MUC5AC: variants seen among roughly 807,000 people sequenced by gnomAD.
The protein encoded by MUC5AC is mucin-5AC.
Under a neutral mutation model 169.7 loss-of-function variants are expected in MUC5AC, and 158 were observed. That is an observed-to-expected ratio of 0.93 (90% CI 0.82 to 1.06). The LOEUF is 1.06. MUC5AC is among the 50% of genes least tolerant of loss of function. The pLI is 0.00. For synonymous variants in MUC5AC, 1,975 were observed against 1,237.0 expected (o/e 1.60, Z -12.52); for missense variants, 4,359 against 3,089.9 (o/e 1.41, Z -9.74).
At position 1,194,361 on chromosome 11, in the gene MUC5AC, G is replaced by A. The variant is rs1434699597; in HGVS notation, c.15006+1G>A. On this transcript the variant is annotated splice_donor_variant, in intron 34 of 48. Transcript: ENST00000621226. LOFTEE classifies it high-confidence loss of function. ...AGTCCACGGGGTGATGACAAACGAG[G>A]TGGGGGCGCGCCCGGTGTGCCGCGG... is the stretch of plus-strand genomic sequence containing the variant. 2.8e-6 allele frequency: 2 copies of A among 722,498 alleles called. No individual in the cohort carries two copies. Among genetic ancestry groups the A allele is most frequent in the Non-Finnish European group, 5.1e-6 (2 of 396,020 alleles). 44.8% of individuals were successfully genotyped at this position (722,498 alleles called of 1,614,324 possible). A position where few individuals can be genotyped will look rare whatever the true frequency, so the allele number is the denominator to read the frequency against.
intron 41 of MUC5AC, 24 bp downstream of exon 41, chr11:1,197,663 G>T (rs1861312460): frequency 1.5e-6 from 1 of 670,382 alleles, no homozygotes; most frequent in Admixed American, 2.1e-5. Flanking sequence ...TGGGTGAGGG[G>T]CATGGTGTGG....
intron 15 of MUC5AC, among the ~76,000 whole-genome samples, chr11:1,171,307 TACTC>T (rs1196688689): frequency 0.017 from 820 of 46,944 alleles, 10 homozygotes; most frequent in African/African-American, 0.069. Flanking sequence ...CTCACTCACC[TACTC>T]ACTCAGTCAC....
chr11:1,173,122 T>C (rs1283484680), intron 16 of MUC5AC, among the ~76,000 whole-genome samples: 2 of 152,018 alleles, frequency 1.3e-5, no homozygotes, highest in East Asian at 3.9e-4. Context: ...ACTCATATCT[T>C]CACTGACTCA....
intron 15 of MUC5AC, among the ~76,000 whole-genome samples, 158 bp from the exon 16 acceptor site, chr11:1,172,271 C>T (rs1011706445): frequency 3.9e-4 from 59 of 152,308 alleles, no homozygotes; most frequent in African/African-American, 1.2e-3. Context: ...TCGGGGAGGG[C>T]GCCACACCAC....
rs55846509 is a variant in MUC5AC, at chr11:1,160,678, G to A, written c.140G>A (p.Arg47Gln). The A allele has an allele frequency of 0.02, 32,653 of 1,609,140 alleles. 424 individuals are homozygous for A. The highest frequency in any genetic ancestry group is 0.024 in the Non-Finnish European group (28,065 of 1,179,050). Reference sequence around the variant, plus strand: ...CACCCTGCCCTCTCTCCTATCGCCCGGGGGCCCAGCGGTGAGTCTGAGTGT... The same window carrying A: ...CACCCTGCCCTCTCTCCTATCGCCCAGGGGCCCAGCGGTGAGTCTGAGTGT... ...KHHPALSPIA[R>Q]GPSGVPLRGA... The change falls in exon 2 of 49, where the codon CGG becomes CAG. Residue 47 changes from arginine to glutamine, a missense_variant. Arg to Gln is a conservative substitution (Grantham distance 43). Transcript: ENST00000621226.
intron 1 of MUC5AC, among the ~76,000 whole-genome samples, chr11:1,158,906 G>T (rs1242213568): frequency 6.6e-6 from 1 of 152,214 alleles, no homozygotes; most frequent in African/African-American, 2.4e-5. Context: ...CTCTCCCGGT[G>T]TCTCCGTGCC....
Position 1,199,434 on chromosome 11 carries a change from G to A in MUC5AC, c.16459G>A (p.Asp5487Asn), listed in dbSNP as rs1441071743. The change falls in exon 46 of 49, where the codon GAT becomes AAT. Residue 5487 changes from aspartate (D) to asparagine (N), a missense_variant. Transcript: ENST00000621226. ...CVTHQCEKHQDGLVVVTTKKA... is the reference protein window; with the variant it reads ...CVTHQCEKHQNGLVVVTTKKA... The stretch of plus-strand genomic sequence containing the variant: ...GACCCACCAGTGTGAGAAGCACCAG[G>A]ATGGGCTCGTGGTGGTCACCACGAA... 1.4e-6 allele frequency: 1 copy of A among 732,356 alleles called. No homozygotes were observed. The highest frequency in any genetic ancestry group is 1.7e-5 in the African/African-American group (1 of 58,386). The allele number at this position is 732,356 out of a possible 1,614,324, so 45.4% of individuals were successfully genotyped here. A position where few individuals can be genotyped will look rare whatever the true frequency, so the allele number is the denominator to read the frequency against.
rs1388261089 is a variant in MUC5AC at position 1,188,421 on chromosome 11, C to T, written c.10276C>T (p.Arg3426Cys). The T allele has an allele frequency of 2.7e-4, 168 of 631,114 alleles. 6 individuals are homozygous for T. Among genetic ancestry groups the T allele is most frequent in the South Asian group, 2.6e-3 (153 of 58,978 alleles). The allele number at this position is 631,114 out of a possible 1,614,324, so 39.1% of individuals were successfully genotyped here. The change falls in exon 31 of 49, where the codon CGT becomes TGT. Residue 3426 changes from arginine (R) to cysteine (C), a missense_variant. Transcript: ENST00000621226. ...SAPTSSTISA[R>C]TTSIISAPTT... ...TCCTACAAGCAGCACAATCTCTGCT[C>T]GTACAACCAGCATAATCTCTGCCCC... is the stretch of plus-strand genomic sequence containing the variant.
At chr11:1,169,593 CCTCA>C (rs1304121667) in intron 15 of MUC5AC, among the ~76,000 whole-genome samples, 3 of 145,016 alleles carry the variant, frequency 2.1e-5, no homozygotes, top group African/African-American at 7.7e-5. Context: ...CACTCACTCA[CCTCA>C]CTCACTCACC....
At position 1,192,765 on chromosome 11, in the gene MUC5AC, T is replaced by C. The variant is rs775207638; in HGVS notation, c.14381-18T>C. The stretch of plus-strand genomic sequence containing the variant: ...AGCAGGACTCCACTAAAGGCTGCCA[T>C]GTCCCTTCCTCTTACAGGATCCACC... On this transcript the variant is annotated intron_variant, in intron 31 of 48. Coordinates refer to ENST00000621226, the MANE Select transcript of MUC5AC (RefSeq NM_001304359.2). 7 of 747,702 alleles carry C rather than the reference T, an allele frequency of 9.4e-6. No individual in the cohort carries two copies. The highest frequency in any genetic ancestry group is 1.5e-5 in the Non-Finnish European group (6 of 405,184). 46.3% of individuals were successfully genotyped at this position (747,702 alleles called of 1,614,324 possible).
chr11:1,161,328 C>T (rs548681766), intron 2 of MUC5AC, among the ~76,000 whole-genome samples, 199 bp from the exon 3 acceptor site: 36 of 139,712 alleles, frequency 2.6e-4, no homozygotes, highest in African/African-American at 9.1e-4. Context: ...AAAAAGTCAC[C>T]GAACGCAGGG....
chr11:1,165,007 G>C (rs1161110408), intron 9 of MUC5AC, among the ~76,000 whole-genome samples: 2 of 142,376 alleles, frequency 1.4e-5, no homozygotes, highest in African/African-American at 5.3e-5. Context: ...CCTGAGGCTG[G>C]CTGAGGATCC....
At chr11:1,171,205 T>TCAACTTACTCACTCACC in intron 15 of MUC5AC, among the ~76,000 whole-genome samples, 1 of 105,900 alleles carries the variant, frequency 9.4e-6, no homozygotes, top group Non-Finnish European at 1.8e-5. Context: ...ACTCACTCAC[T>TCAACTTACTCACTCACC]CAACTTACTC....
intron 39 of MUC5AC, 43 bp from the exon 40 acceptor site, chr11:1,196,834 G>A (rs1311308356): frequency 1.3e-6 from 1 of 757,740 alleles, no homozygotes; most frequent in Non-Finnish European, 2.4e-6. Context: ...CGCCCCTATT[G>A]TGGTGGCTGA....
intron 35 of MUC5AC, 124 bp from the exon 36 acceptor site, chr11:1,194,888 C>T: frequency 1.6e-6 from 1 of 622,196 alleles, no homozygotes; most frequent in Admixed American, 2.5e-5. Context: ...CAGTGAGGCA[C>T]AGGCAGGGCC....
chr11:1,165,141 T>G lies in MUC5AC; in HGVS notation c.1130-161T>G, dbSNP rs56320547. Reference sequence around the variant, plus strand: ...GTCCCGGGCCCCTGAGGCTGGCTGATGCCCCTGTCCCGGGCCCCTGAGGCT... The same window carrying G: ...GTCCCGGGCCCCTGAGGCTGGCTGAGGCCCCTGTCCCGGGCCCCTGAGGCT... On this transcript the variant is annotated intron_variant, in intron 9 of 48. Coordinates refer to ENST00000621226, the MANE Select transcript of MUC5AC (RefSeq NM_001304359.2). Among the ~76,000 whole-genome samples, 839 of 104,804 alleles carry G rather than the reference T, an allele frequency of 8.0e-3. 13 individuals carry two copies. Among genetic ancestry groups the G allele is most frequent in the African/African-American group, 9.9e-3 (256 of 25,882 alleles). 68.8% of individuals were successfully genotyped at this position (104,804 alleles called of 152,430 possible).
At chr11:1,192,683 T>C in intron 31 of MUC5AC, 100 bp from the exon 32 acceptor site, 1 of 689,780 alleles carries the variant, frequency 1.4e-6, no homozygotes, top group South Asian at 1.6e-5. Context: ...TTTTTTCCCA[T>C]TACACAGGTG....
At chr11:1,171,942 TTCAC>T (rs1161859817) in intron 15 of MUC5AC, among the ~76,000 whole-genome samples, 8,088 of 85,524 alleles carry the variant, frequency 0.095, 239 homozygotes, top group Admixed American at 0.14. Flanking sequence ...CATCCACTCA[TTCAC>T]TCACTCACTC....
rs1860703770 is a variant in MUC5AC, at chr11:1,177,040, G to C, written c.2767G>C (p.Gly923Arg). 2.5e-6 allele frequency: 1 copy of C among 398,856 alleles called. No individual in the cohort carries two copies. The highest frequency in any genetic ancestry group is 4.4e-5 in the Admixed American group (1 of 22,744). The allele number at this position is 398,856 out of a possible 1,614,324, so 24.7% of individuals were successfully genotyped here. The change falls in exon 22 of 49, where the codon GGA (glycine) becomes CGA (arginine). Residue 923 changes from glycine to arginine, a missense_variant. Coordinates refer to ENST00000621226, the MANE Select transcript of MUC5AC (RefSeq NM_001304359.2). ...CGACGGACAGAGCTACAGCTTCAAC[G>C]GAGACTGCGAGTACACGCTGGTGCA... ...TFDGQSYSFN[G>R]DCEYTLVQNH...
Sources: allele counts gnomAD v4.1 joint callset (sites outside exome capture counted in the v4.1 genomes callset), GRCh38; gene constraint gnomAD v4.1.1; transcripts MANE v1.5; gene names NCBI Gene and HGNC (gene_info 2026-07-23, HGNC 2026-07-21).